Variants in ZNF367 observed in about 807,000 individuals in gnomAD.
The protein encoded by ZNF367 is zinc finger protein 367, also known as C2H2 zinc finger protein ZFF29.
A neutral mutation model predicts 31.8 loss-of-function variants in ZNF367; 11 were observed. The observed-to-expected ratio is 0.35, with a 90% CI of 0.22 to 0.57. The LOEUF is 0.57. ZNF367 is among the 20% of genes least tolerant of loss of function. The probability of loss-of-function intolerance (pLI) is 0.85; values close to 1 mark genes in which losing one functional copy is unlikely to be tolerated. For synonymous variants in ZNF367, 199 were observed against 202.4 expected, an observed-to-expected ratio of 0.98 and a Z score of 0.14; for missense variants, 353 against 484.1, an observed-to-expected ratio of 0.73 and a Z score of 2.54.
At chr9:96,399,889 A>G (rs935282372) in intron 1 of ZNF367, among the ~76,000 whole-genome samples, 5 of 152,174 alleles carry the variant, frequency 3.3e-5, no homozygotes, top group African/African-American at 1.2e-4. Flanking sequence ...GAGAACAAAC[A>G]CAACAAAGAA....
intron 1 of ZNF367, among the ~76,000 whole-genome samples, chr9:96,408,189 T>C (rs1831697111): frequency 6.6e-6 from 1 of 151,998 alleles, no homozygotes; most frequent in African/African-American, 2.4e-5. Context: ...TGTGCACATG[T>C]ACCCTAGAAC....
In ZNF367 at chr9:96,418,203, G is replaced by A; in HGVS notation, c.-171C>T. ...CCTAACTAGTTGAGCAGACGGCACC[G>A]GCGGGCAGGGCTGGACCCCAGCCCC... On this transcript the variant is annotated 5_prime_UTR_variant, in exon 1 of 5. Coordinates refer to ENST00000375256, the MANE Select transcript of ZNF367 (RefSeq NM_153695.4). 2.9e-6 allele frequency: 3 copies of A among 1,036,034 alleles called. No homozygotes were observed. Among genetic ancestry groups the A allele is most frequent in the Non-Finnish European group, 3.7e-6 (3 of 803,414 alleles). The allele number at this position is 1,036,034 out of a possible 1,614,324, so 64.2% of individuals were successfully genotyped here. A position where few individuals can be genotyped will look rare whatever the true frequency, so the allele number is the denominator to read the frequency against.
intron 1 of ZNF367, among the ~76,000 whole-genome samples, chr9:96,416,625 CTTG>C (rs1182904726): frequency 6.6e-6 from 1 of 152,134 alleles, no homozygotes; most frequent in African/African-American, 2.4e-5. Flanking sequence ...ATGTGATTTA[CTTG>C]TTATCTCTTG....
chr9:96,389,697 G>C (rs1460757177), intron 4 of ZNF367, among the ~76,000 whole-genome samples: 7 of 152,056 alleles, frequency 4.6e-5, no homozygotes, highest in Admixed American at 6.6e-5. Flanking sequence ...TTTCTTATAT[G>C]CTACTTATAT....
chr9:96,408,060 C>A (rs1048135530), intron 1 of ZNF367, among the ~76,000 whole-genome samples: 1 of 151,948 alleles, frequency 6.6e-6, no homozygotes, highest in Non-Finnish European at 1.5e-5. Flanking sequence ...CCGGGCCTGT[C>A]GCGGGGTGGC....
chr9:96,410,729 T>A (rs1831736467), intron 1 of ZNF367, among the ~76,000 whole-genome samples: 1 of 148,890 alleles, frequency 6.7e-6, no homozygotes, highest in African/African-American at 2.5e-5. Context: ...CAAAAAAAAA[T>A]TAGCTGGGTG....
chr9:96,416,461 A>G (rs1391178983), intron 1 of ZNF367, among the ~76,000 whole-genome samples: 1 of 152,224 alleles, frequency 6.6e-6, no homozygotes, highest in Non-Finnish European at 1.5e-5. Flanking sequence ...TAGTTTTATA[A>G]CCTTATAATT....
rs1218901621 is a variant in ZNF367, at chr9:96,386,777, T to C, written c.*1460A>G. The C allele has an allele frequency of 6.6e-6, 1 of 152,214 alleles. No homozygotes were observed. Among genetic ancestry groups the C allele is most frequent in the Non-Finnish European group, 1.5e-5 (1 of 68,024 alleles). 9.4% of individuals were successfully genotyped at this position (152,214 alleles called of 1,614,324 possible). A position where few individuals can be genotyped will look rare whatever the true frequency, so the allele number is the denominator to read the frequency against. ...CATATTTTAAACTATCTGTGTACTA[T>C]GACACATTGGGATTTTTGGATAAAG... On this transcript the variant is annotated 3_prime_UTR_variant, in exon 5 of 5. Transcript: ENST00000375256.
At chr9:96,416,832 T>TATAC (rs1178141161) in intron 1 of ZNF367, among the ~76,000 whole-genome samples, 1 of 152,154 alleles carries the variant, frequency 6.6e-6, no homozygotes, top group Non-Finnish European at 1.5e-5. Context: ...TCTACAGAGT[T>TATAC]CAGTATAAGT....
chr9:96,414,987 G>A (rs753879557), intron 1 of ZNF367, among the ~76,000 whole-genome samples: 44 of 151,418 alleles, frequency 2.9e-4, no homozygotes, highest in Admixed American at 2.4e-3. Context: ...ATCTAATTTA[G>A]TGTTTTTTTT....
chr9:96,391,250 G>A lies in ZNF367; in HGVS notation c.830+1148C>T, dbSNP rs539478561. On this transcript the variant is annotated intron_variant, in intron 4 of 4. Coordinates refer to ENST00000375256, the MANE Select transcript of ZNF367 (RefSeq NM_153695.4). Reference sequence around the variant, plus strand: ...ATATCCCTGCCCGGGGAAGCTTTCAGTCTGGCAGGGAAGGTATAAAATAAA... The same window carrying A: ...ATATCCCTGCCCGGGGAAGCTTTCAATCTGGCAGGGAAGGTATAAAATAAA... 2.0e-5 allele frequency among the ~76,000 whole-genome samples: 3 copies of A among 152,318 alleles called. No individual in the cohort carries two copies. In the South Asian group the frequency reaches 6.2e-4, roughly 32 times the overall value.
At chr9:96,407,351 A>G in intron 1 of ZNF367, 1 of 1,564,524 alleles carries the variant, frequency 6.4e-7, no homozygotes. Flanking sequence ...TACCATGAGA[A>G]AAAGAGAAAG....
intron 1 of ZNF367, among the ~76,000 whole-genome samples, chr9:96,416,957 T>A (rs1018068744): frequency 1.3e-5 from 2 of 152,224 alleles, no homozygotes; most frequent in South Asian, 2.1e-4. Context: ...CACTAATCAC[T>A]GTAAGCCCCA....
At chr9:96,405,062 C>T (rs1436014392) in intron 1 of ZNF367, among the ~76,000 whole-genome samples, 1 of 152,160 alleles carries the variant, frequency 6.6e-6, no homozygotes, top group Non-Finnish European at 1.5e-5. Flanking sequence ...TGTATCACGC[C>T]TGTAATCCCA....
chr9:96,398,736 C>G (rs1831564047), intron 1 of ZNF367, among the ~76,000 whole-genome samples: 1 of 152,200 alleles, frequency 6.6e-6, no homozygotes, highest in African/African-American at 2.4e-5. Context: ...AGCATTTTGA[C>G]TTGCCCTCTC....
Position 96,417,578 on chromosome 9 carries a change from C to T in ZNF367, c.420+35G>A, listed in dbSNP as rs1831849201. ...CACCGTTAACGGGCCCCGGCTGCCC[C>T]ACGTCCCGCCCGCCCGCCCGCCCGC... On this transcript the variant is annotated intron_variant, in intron 1 of 4. Transcript: ENST00000375256. This position sits in a 1 kb window ranked among gnomAD's most constrained non-coding sequence, Gnocchi z 5.0. 1 of 408,000 alleles carries T rather than the reference C, an allele frequency of 2.5e-6. No individual in the cohort carries two copies. The highest frequency in any genetic ancestry group is 4.0e-6 in the Non-Finnish European group (1 of 248,088). The allele number at this position is 408,000 out of a possible 1,614,324, so 25.3% of individuals were successfully genotyped here.
intron 3 of ZNF367, among the ~76,000 whole-genome samples, chr9:96,393,063 G>A (rs910773219): frequency 2.6e-5 from 4 of 151,886 alleles, no homozygotes; most frequent in Admixed American, 2.0e-4. Flanking sequence ...CCAGCCTGGC[G>A]ACAGAGCCAG....
intron 1 of ZNF367, among the ~76,000 whole-genome samples, chr9:96,402,026 G>A (rs1327361170): frequency 6.6e-6 from 1 of 150,958 alleles, no homozygotes; most frequent in Middle Eastern, 3.2e-3. Flanking sequence ...GGGAGGCTGA[G>A]GTGGGCAGGT....
intron 3 of ZNF367, among the ~76,000 whole-genome samples, chr9:96,393,487 C>T (rs1462943008): frequency 1.3e-5 from 2 of 151,792 alleles, no homozygotes; most frequent in Non-Finnish European, 2.9e-5. Flanking sequence ...TGCCACTGTA[C>T]TCCAGCCTGG....
Sources: allele counts gnomAD v4.1 joint callset (sites outside exome capture counted in the v4.1 genomes callset), GRCh38; gene constraint gnomAD v4.1.1; non-coding constraint Gnocchi (gnomAD v3.1); transcripts MANE v1.5; gene names NCBI Gene and HGNC (gene_info 2026-07-23, HGNC 2026-07-21).